CSMD1: variants seen among roughly 807,000 people sequenced by gnomAD.
The protein encoded by CSMD1 is CUB and Sushi multiple domains 1, also known as CUB and sushi domain-containing protein 1.
Under a neutral mutation model 417.5 loss-of-function variants are expected in CSMD1, and 213 were observed. The ratio of observed to expected loss-of-function variants is 0.51; its 90% CI spans 0.46 to 0.57. The LOEUF (loss-of-function observed/expected upper bound fraction) is 0.57, where lower values mean the gene tolerates loss of function less well. Among genes scored for constraint, CSMD1 ranks in the 20% least tolerant of loss-of-function variants. CSMD1 has a pLI of 0.00. For missense variants in CSMD1, 6,923 were observed against 4,529.7 expected (o/e 1.53, Z -15.17); for synonymous variants, 2,862 against 1,736.8 (o/e 1.65, Z -16.11).
intron 50 of CSMD1, among the ~76,000 whole-genome samples, chr8:3,038,443 T>C (rs1810841688): frequency 6.6e-6 from 1 of 152,262 alleles, no homozygotes; most frequent in Non-Finnish European, 1.5e-5. Flanking sequence ...TTGTTGGGCT[T>C]AATTGTAAAA....
chr8:3,422,666 G>C (rs373451559), intron 12 of CSMD1, among the ~76,000 whole-genome samples: 1 of 152,264 alleles, frequency 6.6e-6, no homozygotes, highest in East Asian at 1.9e-4. Context: ...TATTTTCGAT[G>C]CATTTTTCTG....
At chr8:3,347,241 G>A (rs1371417394) in intron 22 of CSMD1, among the ~76,000 whole-genome samples, 1 of 152,212 alleles carries the variant, frequency 6.6e-6, no homozygotes, top group East Asian at 1.9e-4. Context: ...CCTTTTCAGT[G>A]CCTTGAGGCT....
intron 12 of CSMD1, among the ~76,000 whole-genome samples, chr8:3,452,232 T>G (rs1815777362): frequency 6.6e-6 from 1 of 152,196 alleles, no homozygotes; most frequent in African/African-American, 2.4e-5. Context: ...ACAATGGGGT[T>G]TTCTAAATAT....
chr8:3,816,925 T>G (rs1191879871), intron 5 of CSMD1, among the ~76,000 whole-genome samples: 1 of 152,150 alleles, frequency 6.6e-6, no homozygotes, highest in Non-Finnish European at 1.5e-5. Flanking sequence ...TCCTCCCTAT[T>G]CTACTATTCT....
At chr8:3,778,453 T>A (rs997260925) in intron 5 of CSMD1, among the ~76,000 whole-genome samples, 3 of 152,196 alleles carry the variant, frequency 2.0e-5, no homozygotes, top group African/African-American at 7.2e-5. Context: ...CATCCCAAGG[T>A]GCCCTCGCCT....
chr8:3,138,503 T>A (rs1197231264), intron 41 of CSMD1, among the ~76,000 whole-genome samples: 1 of 152,178 alleles, frequency 6.6e-6, no homozygotes, highest in Non-Finnish European at 1.5e-5. Flanking sequence ...AGAGATTTGG[T>A]GGGAATGCTC....
intron 1 of CSMD1, among the ~76,000 whole-genome samples, chr8:4,954,232 GA>G (rs1808936132): frequency 6.6e-6 from 1 of 152,138 alleles, no homozygotes; most frequent in African/African-American, 2.4e-5. Flanking sequence ...CAGAGTTTAA[GA>G]AATTATTTTT....
chr8:3,375,985 T>C (rs549555149), intron 18 of CSMD1, among the ~76,000 whole-genome samples: 83 of 152,196 alleles, frequency 5.5e-4, no homozygotes, highest in Non-Finnish European at 1.0e-3. Context: ...ATATCCCAAA[T>C]TGGAACTTTT....
At chr8:3,279,349 G>A (rs139701934) in intron 26 of CSMD1, among the ~76,000 whole-genome samples, 203 of 152,238 alleles carry the variant, frequency 1.3e-3, no homozygotes, top group East Asian at 4.3e-3. Flanking sequence ...AAAATAGACT[G>A]GTATTGGACT....
intron 5 of CSMD1, among the ~76,000 whole-genome samples, chr8:3,943,921 C>G (rs1312526962): frequency 6.6e-6 from 1 of 151,898 alleles, no homozygotes; most frequent in Non-Finnish European, 1.5e-5. Flanking sequence ...AGGTTCTGAG[C>G]CAGAAAACAC....
intron 3 of CSMD1, among the ~76,000 whole-genome samples, chr8:4,095,113 G>A (rs558880513): frequency 2.0e-4 from 30 of 152,260 alleles, no homozygotes; most frequent in South Asian, 1.9e-3. Context: ...GTGACGTGAC[G>A]GATATGGAAA....
chr8:4,475,308 T>C (rs183697229), intron 2 of CSMD1, among the ~76,000 whole-genome samples: 9 of 152,176 alleles, frequency 5.9e-5, no homozygotes, highest in Non-Finnish European at 4.4e-5. Flanking sequence ...ATTACAAGCA[T>C]GTCTCCAAAT....
At chr8:2,976,868 G>T (rs926881097) in intron 55 of CSMD1, among the ~76,000 whole-genome samples, 5 of 151,550 alleles carry the variant, frequency 3.3e-5, no homozygotes, top group African/African-American at 4.8e-5. Context: ...TGGGTAAAAT[G>T]ATATATTCTT....
intron 26 of CSMD1, among the ~76,000 whole-genome samples, chr8:3,279,341 A>C (rs978213624): frequency 2.6e-5 from 4 of 152,178 alleles, no homozygotes; most frequent in Admixed American, 1.3e-4. Flanking sequence ...AGATTTTAAA[A>C]ATAGACTGGT....
chr8:3,525,722 C>G (rs1399194160), intron 10 of CSMD1, among the ~76,000 whole-genome samples: 1 of 152,136 alleles, frequency 6.6e-6, no homozygotes. Flanking sequence ...GATTTTAACA[C>G]CTAGTTGTCG....
intron 5 of CSMD1, among the ~76,000 whole-genome samples, chr8:3,935,489 G>C (rs941780220): frequency 1.3e-5 from 2 of 152,098 alleles, no homozygotes; most frequent in East Asian, 1.9e-4. Flanking sequence ...TATTCCAATT[G>C]CATCTACTCG....
At chr8:4,717,742 A>C (rs1808777100) in intron 1 of CSMD1, among the ~76,000 whole-genome samples, 1 of 152,166 alleles carries the variant, frequency 6.6e-6, no homozygotes, top group Non-Finnish European at 1.5e-5. Flanking sequence ...TGCAGGAAGC[A>C]ATCAGTCTCT....
intron 3 of CSMD1, among the ~76,000 whole-genome samples, chr8:4,136,198 G>T (rs1011743446): frequency 5.9e-5 from 9 of 152,142 alleles, no homozygotes; most frequent in Non-Finnish European, 1.2e-4. Context: ...ACAGCTATGT[G>T]AACACAAAAA....
chr8:4,236,322 A>G (rs1033522678), intron 3 of CSMD1, among the ~76,000 whole-genome samples: 8 of 152,120 alleles, frequency 5.3e-5, no homozygotes, highest in African/African-American at 1.4e-4. Context: ...AGTATAGTAT[A>G]GTAGTTTAGT....
Sources: gnomAD v4.1 joint callset for allele counts (sites outside exome capture counted in the v4.1 genomes callset) on GRCh38, gnomAD v4.1.1 for gene constraint, MANE v1.5 for transcripts, NCBI Gene and HGNC (gene_info 2026-07-23, HGNC 2026-07-21) for gene names.